The following KLHL1 variants were observed in gnomAD, a reference collection of about 807,000 sequenced individuals.
The protein encoded by KLHL1 is kelch like family member 1.
Under a neutral mutation model 77.7 loss-of-function variants are expected in KLHL1, and 47 were observed. The ratio of observed to expected loss-of-function variants is 0.60; its 90% CI spans 0.48 to 0.77. The LOEUF is 0.77. KLHL1 is among the 30% of genes least tolerant of loss of function. The pLI is 0.00. For missense variants in KLHL1, 925 were observed against 910.8 expected (o/e 1.02, Z -0.20); for synonymous variants, 360 against 325.2 (o/e 1.11, Z -1.15).
chr13:69,912,561 T>A (rs1269071804), intron 4 of KLHL1, among the ~76,000 whole-genome samples: 2 of 152,206 alleles, frequency 1.3e-5, no homozygotes, highest in Non-Finnish European at 2.9e-5. Context: ...TTTTAAATTT[T>A]TTTTTATTAA....
chr13:70,054,096 T>C (rs772936263), intron 1 of KLHL1, among the ~76,000 whole-genome samples: 3 of 152,192 alleles, frequency 2.0e-5, no homozygotes, highest in East Asian at 1.9e-4. Context: ...GTTACATTTA[T>C]AAATCAAGAA....
chr13:69,765,798 G>A (rs147483570), intron 7 of KLHL1, among the ~76,000 whole-genome samples: 27 of 152,320 alleles, frequency 1.8e-4, no homozygotes, highest in African/African-American at 5.5e-4. Context: ...CCGATCTGTT[G>A]CTAAACAGAG....
intron 4 of KLHL1, among the ~76,000 whole-genome samples, chr13:69,919,009 T>A (rs1882538618): frequency 6.6e-6 from 1 of 151,970 alleles, no homozygotes; most frequent in South Asian, 2.2e-4. Context: ...CTGTGAAATT[T>A]TAGAAAGTGA....
intron 8 of KLHL1, among the ~76,000 whole-genome samples, chr13:69,738,294 C>A (rs1237662378): frequency 6.6e-6 from 1 of 152,134 alleles, no homozygotes; most frequent in African/African-American, 2.4e-5. Flanking sequence ...GAGAAAGAAT[C>A]TACACACAAA....
chr13:69,851,239 T>A (rs1879678140), intron 5 of KLHL1, among the ~76,000 whole-genome samples: 1 of 151,766 alleles, frequency 6.6e-6, no homozygotes, highest in African/African-American at 2.4e-5. Flanking sequence ...TGCAAGAAGA[T>A]AATTAGAAAA....
intron 3 of KLHL1, among the ~76,000 whole-genome samples, chr13:69,941,772 A>T (rs996006051): frequency 2.0e-5 from 3 of 152,052 alleles, no homozygotes; most frequent in African/African-American, 7.2e-5. Context: ...TTAGAAATGA[A>T]ATGGGAGACA....
chr13:69,826,314 T>A (rs770690787), intron 6 of KLHL1, among the ~76,000 whole-genome samples: 2 of 152,200 alleles, frequency 1.3e-5, no homozygotes, highest in Non-Finnish European at 2.9e-5. Flanking sequence ...TGAAAATTGG[T>A]GAGATCATGC....
At chr13:69,984,866 T>C (rs112977423) in intron 1 of KLHL1, among the ~76,000 whole-genome samples, 23,618 of 152,024 alleles carry the variant, frequency 0.16, 3,886 homozygotes, top group African/African-American at 0.42. Context: ...CCCAGCACTT[T>C]GGGAGGCCAA....
At chr13:69,915,882 CA>C (rs1172728088) in intron 4 of KLHL1, among the ~76,000 whole-genome samples, 2 of 151,540 alleles carry the variant, frequency 1.3e-5, no homozygotes, top group Non-Finnish European at 2.9e-5. Flanking sequence ...ACAATGAACT[CA>C]AACAAATTTA....
chr13:70,038,903 G>T (rs1053825824), intron 1 of KLHL1, among the ~76,000 whole-genome samples: 1 of 151,802 alleles, frequency 6.6e-6, no homozygotes, highest in African/African-American at 2.4e-5. Flanking sequence ...AAAGTTGGTT[G>T]TTCTAATACA....
At chr13:69,819,649 T>C (rs1878258453) in intron 6 of KLHL1, among the ~76,000 whole-genome samples, 2 of 151,618 alleles carry the variant, frequency 1.3e-5, no homozygotes, top group South Asian at 2.1e-4. Flanking sequence ...TAAAAGAGGC[T>C]TTTAATTCTC....
At chr13:69,996,768 T>C (rs757926784) in intron 1 of KLHL1, among the ~76,000 whole-genome samples, 13 of 152,000 alleles carry the variant, frequency 8.6e-5, no homozygotes, top group Non-Finnish European at 1.5e-4. Context: ...AAACAGCAAG[T>C]ATGCTAGATG....
chr13:69,741,815 C>A (rs1874001824), intron 7 of KLHL1, among the ~76,000 whole-genome samples: 1 of 152,142 alleles, frequency 6.6e-6, no homozygotes, highest in African/African-American at 2.4e-5. Context: ...TCGGGAGCTG[C>A]AGTTCCTTTG....
At chr13:70,009,793 C>T (rs954427391) in intron 1 of KLHL1, among the ~76,000 whole-genome samples, 1 of 151,906 alleles carries the variant, frequency 6.6e-6, no homozygotes, top group Non-Finnish European at 1.5e-5. Context: ...AGATTTATTG[C>T]CAATTTGGAT....
intron 1 of KLHL1, among the ~76,000 whole-genome samples, chr13:70,082,769 C>T (rs1992423): frequency 0.29 from 43,818 of 151,914 alleles, 6,891 homozygotes; most frequent in South Asian, 0.5. Flanking sequence ...GTACATATAC[C>T]CCATGGAACA....
intron 4 of KLHL1, among the ~76,000 whole-genome samples, chr13:69,898,781 C>T (rs1055212015): frequency 6.6e-6 from 1 of 152,138 alleles, no homozygotes; most frequent in African/African-American, 2.4e-5. Flanking sequence ...AAATAAAAAA[C>T]TATCCTTGAG....
At chr13:69,896,350 G>A (rs568659733) in intron 4 of KLHL1, among the ~76,000 whole-genome samples, 8 of 152,124 alleles carry the variant, frequency 5.3e-5, no homozygotes, top group South Asian at 2.1e-4. Context: ...GTATCTTATC[G>A]TTGGTTAATT....
intron 7 of KLHL1, among the ~76,000 whole-genome samples, chr13:69,742,822 C>G (rs1874040925): frequency 6.6e-6 from 1 of 152,202 alleles, no homozygotes; most frequent in Non-Finnish European, 1.5e-5. Flanking sequence ...AACTTCAAAT[C>G]TTGTTCTTTC....
intron 4 of KLHL1, among the ~76,000 whole-genome samples, chr13:69,918,943 C>G (rs1882536451): frequency 6.6e-6 from 1 of 152,056 alleles, no homozygotes; most frequent in East Asian, 1.9e-4. Context: ...TGTCCTTACA[C>G]AACCTGTGGT....
Sources: gnomAD v4.1 joint callset for allele counts (sites outside exome capture counted in the v4.1 genomes callset) on GRCh38, gnomAD v4.1.1 for gene constraint, MANE v1.5 for transcripts, NCBI Gene and HGNC (gene_info 2026-07-23, HGNC 2026-07-21) for gene names.